Variants in GPR153 observed in about 807,000 individuals in gnomAD.
GPR153 encodes the protein probable G protein-coupled receptor 153.
GPR153 carries 27 observed loss-of-function variants against 34.1 expected under a neutral mutation model. The ratio of observed to expected loss-of-function variants is 0.79; its 90% CI spans 0.58 to 1.09. GPR153 has a LOEUF of 1.09. Ranked by LOEUF, GPR153 falls within the 50% of genes least tolerant of loss-of-function variation. The pLI is 0.00. For missense variants in GPR153, 848 were observed against 860.2 expected, an observed-to-expected ratio of 0.99 and a Z score of 0.18; for synonymous variants, 408 against 405.4, an observed-to-expected ratio of 1.01 and a Z score of -0.08.
In GPR153 at chr1:6,249,720, G is replaced by A. The variant is rs1422640896; in HGVS notation, c.1448C>T (p.Pro483Leu). ...RGARDSPPGS[P>L]RRRPGPGPRS... is the part of the protein sequence containing the mutation. ...GGGGCCGGGCCCGGGGCGGCGGCGC[G>A]GGCTGCCGGGGGGCGAGTCGCGGGC... Residue 483 changes from proline to leucine, a missense_variant, in exon 6 of 6, where the codon CCG becomes CTG. Transcript: ENST00000377893. The surrounding 1 kb of genome is among the most constrained non-coding windows in gnomAD (Gnocchi z 4.3). The A allele has an allele frequency of 1.9e-6, 2 of 1,039,112 alleles. No homozygotes were observed. The highest frequency in any genetic ancestry group is 4.5e-4 in the Middle Eastern group (1 of 2,216). 64.4% of individuals were successfully genotyped at this position (1,039,112 alleles called of 1,614,324 possible).
Position 6,249,291 on chromosome 1 carries a change from G to C in GPR153, c.*47C>G. 1 of 1,221,778 alleles carries C rather than the reference G, an allele frequency of 8.2e-7. No individual in the cohort carries two copies. Among genetic ancestry groups the C allele is most frequent in the Non-Finnish European group, 1.0e-6 (1 of 975,048 alleles). 75.7% of individuals were successfully genotyped at this position (1,221,778 alleles called of 1,614,324 possible). On this transcript the variant is annotated 3_prime_UTR_variant, in exon 6 of 6. Coordinates refer to ENST00000377893, the MANE Select transcript of GPR153 (RefSeq NM_207370.4). This position sits in a 1 kb window ranked among gnomAD's most constrained non-coding sequence, Gnocchi z 4.3. ...GGGCGTCTTTGGTGCTGCGGCCCCGGAGAGCGGCCTGGCCTGCCTGGCGTC... is the reference window on the plus strand; with the variant it reads ...GGGCGTCTTTGGTGCTGCGGCCCCGCAGAGCGGCCTGGCCTGCCTGGCGTC...
At chr1:6,260,659 C>A (rs1382197052) in intron 1 of GPR153, among the ~76,000 whole-genome samples, 166 bp downstream of exon 1, 1 of 151,940 alleles carries the variant, frequency 6.6e-6, no homozygotes, top group Non-Finnish European at 1.5e-5. Flanking sequence ...GGGAAGTTAC[C>A]CCGAAGGTCC....
intron 1 of GPR153, among the ~76,000 whole-genome samples, 168 bp from the exon 2 acceptor site, chr1:6,255,182 A>C (rs933827939): frequency 2.0e-5 from 3 of 147,478 alleles, no homozygotes; most frequent in Non-Finnish European, 4.4e-5. Context: ...CCATTCTAAT[A>C]CTATTAAGAG....
rs747412535 is a variant in GPR153, at chr1:6,249,554, C to T, written c.1614G>A (p.Pro538=). ...TCCGCTGGGCGCTGCTTGGGGGCGT[C>T]GGGGCCTCTCCGGGATCTGCGCCGT... ...APDGADPGEA[P]TPPSSAQRSP... is the part of the protein sequence containing the mutation. The change falls in exon 6 of 6, where the codon CCG becomes CCA. Residue 538 remains proline, a synonymous_variant. Transcript: ENST00000377893. The surrounding 1 kb of genome is among the most constrained non-coding windows in gnomAD (Gnocchi z 4.3). 3.7e-5 allele frequency: 44 copies of T among 1,191,742 alleles called. No individual in the cohort carries two copies. The highest frequency in any genetic ancestry group is 4.4e-5 in the Non-Finnish European group (42 of 962,680). 73.8% of individuals were successfully genotyped at this position (1,191,742 alleles called of 1,614,324 possible). A position where few individuals can be genotyped will look rare whatever the true frequency, so the allele number is the denominator to read the frequency against.
intron 1 of GPR153, among the ~76,000 whole-genome samples, chr1:6,255,358 C>A (rs929154994): frequency 6.6e-6 from 1 of 151,914 alleles, no homozygotes; most frequent in African/African-American, 2.4e-5. Flanking sequence ...GCCACCACAC[C>A]CGGCTAATTT....
Position 6,250,515 on chromosome 1 carries a change from G to T in GPR153, c.1089C>A (p.Ile363=). Residue 363 remains isoleucine (I), a synonymous_variant, in exon 5 of 6, where the codon ATC becomes ATA. Transcript: ENST00000377893. ...GGGGCAGGCCCCCCTCCAGGGCGGA[G>T]ATCTCATACTTGGCCATCCTATCTA... is the stretch of plus-strand genomic sequence containing the variant. ...VALDRMAKYE[I]SALEGGLPQL... 6.2e-7 allele frequency: 1 copy of T among 1,609,602 alleles called. No individual in the cohort carries two copies.
rs771868850 is a variant in GPR153 at position 6,250,521 on chromosome 1, A to G, written c.1083T>C (p.Tyr361=). 1 of 1,606,474 alleles carries G rather than the reference A, an allele frequency of 6.2e-7. No homozygotes were observed. The highest frequency in any genetic ancestry group is 1.3e-5 in the African/African-American group (1 of 74,828). ...GGCCCCCCTCCAGGGCGGAGATCTC[A>G]TACTTGGCCATCCTATCTAGGGCCA... The part of the protein sequence containing the change: ...DFVALDRMAK[Y]EISALEGGLP... Residue 361 remains tyrosine (Y), a synonymous_variant, in exon 5 of 6, where the codon TAT becomes TAC. Coordinates refer to ENST00000377893, the MANE Select transcript of GPR153 (RefSeq NM_207370.4).
rs1167467248 is a variant in GPR153, at chr1:6,251,953, G to A, written c.787-423C>T. On this transcript the variant is annotated intron_variant, in intron 3 of 5. Coordinates refer to ENST00000377893, the MANE Select transcript of GPR153 (RefSeq NM_207370.4). The surrounding 1 kb of genome is among the most constrained non-coding windows in gnomAD (Gnocchi z 4.9). ...TGGGATTACGGGTATGAATCACTGT[G>A]CCCGGCTGCCATCCCCTTTTTGAGA... Among the ~76,000 whole-genome samples the A allele has an allele frequency of 1.3e-5, 2 of 152,116 alleles. No individual in the cohort carries two copies. Among genetic ancestry groups the A allele is most frequent in the Non-Finnish European group, 2.9e-5 (2 of 68,016 alleles).
In GPR153 at chr1:6,249,891, T is replaced by C. The variant is rs979644394; in HGVS notation, c.1277A>G (p.His426Arg). The C allele has an allele frequency of 3.9e-6, 5 of 1,293,930 alleles. No homozygotes were observed. In the African/African-American group the frequency reaches 6.2e-5, roughly 16 times the overall value. 80.2% of individuals were successfully genotyped at this position (1,293,930 alleles called of 1,614,324 possible). Residue 426 changes from histidine to arginine, a missense_variant, in exon 6 of 6, where the codon CAC becomes CGC. Physicochemically the swap from His to Arg is conservative, Grantham distance 29 (BLOSUM62 0). Coordinates refer to ENST00000377893, the MANE Select transcript of GPR153 (RefSeq NM_207370.4). This position sits in a 1 kb window ranked among gnomAD's most constrained non-coding sequence, Gnocchi z 4.3. Reference protein sequence around the residue: ...GSGEDLAALAHLVLPAGPERR... With the variant: ...GSGEDLAALARLVLPAGPERR... ...CTCGGGCCCGGCAGGCAGCACCAGG[T>C]GCGCCAGGGCGGCCAGGTCCTCGCC...
In GPR153 at chr1:6,247,706, G is replaced by A. The variant is rs1314141535; in HGVS notation, c.*1632C>T. The A allele has an allele frequency of 6.6e-6, 1 of 152,310 alleles. No individual in the cohort carries two copies. Among genetic ancestry groups the A allele is most frequent in the Non-Finnish European group, 1.5e-5 (1 of 68,086 alleles). 9.4% of individuals were successfully genotyped at this position (152,310 alleles called of 1,614,324 possible). A position where few individuals can be genotyped will look rare whatever the true frequency, so the allele number is the denominator to read the frequency against. On this transcript the variant is annotated 3_prime_UTR_variant, in exon 6 of 6. Transcript: ENST00000377893. Reference sequence around the variant, plus strand: ...AGTGGACAGACGCCCCCCAGATGGAGGAGACACTGGCTAGCTGGCGACCTC... The same window carrying A: ...AGTGGACAGACGCCCCCCAGATGGAAGAGACACTGGCTAGCTGGCGACCTC...
chr1:6,250,365 G>A, intron 5 of GPR153, 75 bp downstream of exon 5: 3 of 1,483,856 alleles, frequency 2.0e-6, no homozygotes, highest in South Asian at 1.4e-5. Flanking sequence ...GATGGGCTCC[G>A]AGTGGAGAGG....
At chr1:6,258,109 C>T (rs1638601872) in intron 1 of GPR153, among the ~76,000 whole-genome samples, 1 of 152,196 alleles carries the variant, frequency 6.6e-6, no homozygotes, top group Non-Finnish European at 1.5e-5. Flanking sequence ...CCCCAGCCAG[C>T]AGCTGGCAAG....
intron 5 of GPR153, 132 bp from the exon 6 acceptor site, chr1:6,250,135 C>T (rs1031124740): frequency 3.0e-6 from 4 of 1,329,182 alleles, no homozygotes; most frequent in Non-Finnish European, 1.9e-6. Flanking sequence ...TGGCTGGGAG[C>T]TGTGAGGTTT....
Position 6,254,933 on chromosome 1 carries a change from G to C in GPR153, c.-28C>G, listed in dbSNP as rs1638533912. ...TGCAGACCGGAGCTGGCAGGCGGCT[G>C]TGGCATCCTCCTTGGAGCCAGGTCT... On this transcript the variant is annotated 5_prime_UTR_variant, in exon 2 of 6. Transcript: ENST00000377893. The C allele has an allele frequency of 1.3e-6, 2 of 1,497,062 alleles. No homozygotes were observed. Among genetic ancestry groups the C allele is most frequent in the Admixed American group, 2.2e-5 (1 of 45,246 alleles). The allele number at this position is 1,497,062 out of a possible 1,614,324, so 92.7% of individuals were successfully genotyped here.
rs767450117 is a variant in GPR153, at chr1:6,251,527, C to T, written c.790G>A (p.Val264Met). Residue 264 changes from valine (V) to methionine (M), a missense_variant, in exon 4 of 6, where the codon GTG (valine) becomes ATG (methionine). Physicochemically the swap from Val to Met is conservative, Grantham distance 21 (BLOSUM62 1). Transcript: ENST00000377893. This position sits in a 1 kb window ranked among gnomAD's most constrained non-coding sequence, Gnocchi z 4.9. Reference sequence around the variant, plus strand: ...TCGGCCCGCAGGCTGCTGAAGCTCACCACCTGTGGGCACAGGGCTCGGCCT... The same window carrying T: ...TCGGCCCGCAGGCTGCTGAAGCTCATCACCTGTGGGCACAGGGCTCGGCCT... ...DCLMGFPVLV[V>M]SFSSLRADAS... 9 of 1,594,974 alleles carry T rather than the reference C, an allele frequency of 5.6e-6. No individual in the cohort carries two copies. Among genetic ancestry groups the T allele is most frequent in the South Asian group, 1.1e-5 (1 of 89,158 alleles).
At chr1:6,250,159 C>A (rs530921895) in intron 5 of GPR153, 156 bp from the exon 6 acceptor site, 434 of 985,302 alleles carry the variant, frequency 4.4e-4, no homozygotes, top group Non-Finnish European at 5.1e-4. Flanking sequence ...GCAGTCTCTT[C>A]GAGCCGCAGG....
intron 1 of GPR153, among the ~76,000 whole-genome samples, chr1:6,257,601 G>T (rs927330663): frequency 6.6e-6 from 1 of 152,250 alleles, no homozygotes; most frequent in African/African-American, 2.4e-5. Flanking sequence ...GTGCTCTGGG[G>T]TAGTGGCCAG....
Position 6,249,150 on chromosome 1 carries a change from G to A in GPR153, c.*188C>T, listed in dbSNP as rs943947163. 4 of 419,014 alleles carry A rather than the reference G, an allele frequency of 9.5e-6. No individual in the cohort carries two copies. Among genetic ancestry groups the A allele is most frequent in the Non-Finnish European group, 8.0e-6 (2 of 249,532 alleles). The allele number at this position is 419,014 out of a possible 1,614,324, so 26.0% of individuals were successfully genotyped here. On this transcript the variant is annotated 3_prime_UTR_variant, in exon 6 of 6. Transcript: ENST00000377893. The surrounding 1 kb of genome is among the most constrained non-coding windows in gnomAD (Gnocchi z 4.3). ...ATGCGGTGCCCAGCGCAGTCGTCCG[G>A]GGCAGCCGTCGCCCCTGGGACAAGG...
In GPR153 at chr1:6,248,331, G is replaced by C. The variant is rs1638346817; in HGVS notation, c.*1007C>G. Reference sequence around the variant, plus strand: ...CCTTCCTGGCCAGGCCTGCACGGGTGGGGAGTGAGGCTGGGGATGACGCAG... The same window carrying C: ...CCTTCCTGGCCAGGCCTGCACGGGTCGGGAGTGAGGCTGGGGATGACGCAG... On this transcript the variant is annotated 3_prime_UTR_variant, in exon 6 of 6. Coordinates refer to ENST00000377893, the MANE Select transcript of GPR153 (RefSeq NM_207370.4). 1 of 152,338 alleles carries C rather than the reference G, an allele frequency of 6.6e-6. No individual in the cohort carries two copies. The highest frequency in any genetic ancestry group is 1.5e-5 in the Non-Finnish European group (1 of 68,158). The allele number at this position is 152,338 out of a possible 1,614,324, so 9.4% of individuals were successfully genotyped here. A position where few individuals can be genotyped will look rare whatever the true frequency, so the allele number is the denominator to read the frequency against.
Sources: gnomAD v4.1 joint callset for allele counts (sites outside exome capture counted in the v4.1 genomes callset) on GRCh38, gnomAD v4.1.1 for gene constraint, Gnocchi (gnomAD v3.1) non-coding constraint, MANE v1.5 for transcripts, NCBI Gene and HGNC (gene_info 2026-07-23, HGNC 2026-07-21) for gene names.